The following STK33 variants were observed in gnomAD, a reference collection of about 807,000 sequenced individuals.
The protein encoded by STK33 is serine/threonine kinase 33, also known as serine/threonine-protein kinase 33.
STK33 carries 52 observed loss-of-function variants against 58.0 expected under a neutral mutation model. The ratio of observed to expected loss-of-function variants is 0.90; its 90% CI spans 0.72 to 1.13. The LOEUF is 1.13. Among genes scored for constraint, STK33 ranks in the 50% most tolerant of loss-of-function variants. STK33 has a pLI of 0.00. For synonymous variants in STK33, 215 were observed against 200.1 expected (o/e 1.07, Z -0.63); for missense variants, 630 against 604.2 (o/e 1.04, Z -0.45).
intron 1 of STK33, among the ~76,000 whole-genome samples, chr11:8,578,187 T>G (rs924535260): frequency 6.6e-5 from 10 of 152,102 alleles, no homozygotes; most frequent in African/African-American, 2.4e-4. Flanking sequence ...TATCACACAT[T>G]TGTACTGGGA....
chr11:8,412,466 A>G (rs1183515066), intron 15 of STK33, among the ~76,000 whole-genome samples: 1 of 152,220 alleles, frequency 6.6e-6, no homozygotes, highest in Non-Finnish European at 1.5e-5. Context: ...GTTCTCAACC[A>G]CTAAATCAAA....
intron 15 of STK33, among the ~76,000 whole-genome samples, chr11:8,403,744 G>T (rs1228212584): frequency 1.3e-5 from 2 of 152,144 alleles, no homozygotes; most frequent in Non-Finnish European, 2.9e-5. Context: ...TCTTGAAAAG[G>T]GGGCTCCATG....
intron 12 of STK33, among the ~76,000 whole-genome samples, chr11:8,437,073 G>A (rs1325004550): frequency 1.3e-5 from 2 of 152,144 alleles, no homozygotes; most frequent in Non-Finnish European, 2.9e-5. Context: ...ATCAAAAATT[G>A]TATATGAAAT....
chr11:8,386,396 G>A, the STK33 span, among the ~76,000 whole-genome samples: 1 of 152,184 alleles, frequency 6.6e-6, no homozygotes, highest in Non-Finnish European at 1.5e-5. Flanking sequence ...GCTACAACCA[G>A]GTAATTACTT....
chr11:8,530,305 A>G (rs1954424280), intron 1 of STK33, among the ~76,000 whole-genome samples: 1 of 152,140 alleles, frequency 6.6e-6, no homozygotes, highest in South Asian at 2.1e-4. Flanking sequence ...AAGAGCATTT[A>G]AATGTCTCTG....
chr11:8,371,280 G>A, the STK33 span, among the ~76,000 whole-genome samples: 1 of 152,126 alleles, frequency 6.6e-6, no homozygotes, highest in Admixed American at 6.5e-5. Flanking sequence ...GAAGAGGAGA[G>A]GAGGGACCAC....
At chr11:8,532,453 T>C (rs964106800) in intron 1 of STK33, among the ~76,000 whole-genome samples, 1 of 152,250 alleles carries the variant, frequency 6.6e-6, no homozygotes, top group Non-Finnish European at 1.5e-5. Flanking sequence ...ATCTGGCCCT[T>C]TGCCCAAAAA....
chr11:8,425,624 G>A (rs2136013152), intron 14 of STK33, among the ~76,000 whole-genome samples: 1 of 152,146 alleles, frequency 6.6e-6, no homozygotes, highest in Non-Finnish European at 1.5e-5. Flanking sequence ...CCATTTTTGT[G>A]TTTCAATATT....
At chr11:8,443,534 T>G (rs1945027088) in intron 11 of STK33, among the ~76,000 whole-genome samples, 1 of 151,788 alleles carries the variant, frequency 6.6e-6, no homozygotes, top group Non-Finnish European at 1.5e-5. Flanking sequence ...ATTTTTCTAT[T>G]AAACAAGACT....
rs10712860 is a variant in STK33, at chr11:8,534,275, C to CA, written c.-465-53662dup. On this transcript the variant is annotated intron_variant, in intron 1 of 15. Coordinates refer to ENST00000687296, the MANE Select transcript of STK33 (RefSeq NM_001352389.2). ...GGGCAACAAGAGCAAGACTGCATCTCAAAAAAAAAAAAAATTGTTTATACG... is the reference window on the plus strand; with the variant it reads ...GGGCAACAAGAGCAAGACTGCATCTCAAAAAAAAAAAAAAATTGTTTATACG... 5.9e-3 allele frequency among the ~76,000 whole-genome samples: 779 copies of CA among 131,612 alleles called. 4 individuals carry two copies. The highest frequency in any genetic ancestry group is 0.017 in the African/African-American group (620 of 36,232). The allele number at this position is 131,612 out of a possible 152,430, so 86.3% of individuals were successfully genotyped here.
At chr11:8,498,586 T>A (rs990946786) in intron 1 of STK33, among the ~76,000 whole-genome samples, 1 of 151,608 alleles carries the variant, frequency 6.6e-6, no homozygotes, top group Non-Finnish European at 1.5e-5. Context: ...GGAAAAAAAA[T>A]AAATTTCATA....
the STK33 span, among the ~76,000 whole-genome samples, chr11:8,347,454 G>A: frequency 2.0e-5 from 3 of 152,226 alleles, no homozygotes; most frequent in East Asian, 1.9e-4. Flanking sequence ...TTTATTTCTT[G>A]CTTGTGTTAC....
Position 8,457,443 on chromosome 11 carries a change from C to T in STK33, c.595G>A (p.Glu199Lys). The change falls in exon 9 of 16, where the codon GAA becomes AAA. Residue 199 changes from glutamate (E) to lysine (K), a missense_variant. Physicochemically the swap from Glu to Lys is moderately conservative, Grantham distance 56 (BLOSUM62 1). Transcript: ENST00000687296. ...YLVMELCEDG[E>K]LKEILDRKGH... ...TTCCTATCCAGAATTTCTTTGAGTTCTCCATCCTCACAAAGCTCCATCACA... is the reference window on the plus strand; with the variant it reads ...TTCCTATCCAGAATTTCTTTGAGTTTTCCATCCTCACAAAGCTCCATCACA... The T allele has an allele frequency of 6.2e-7, 1 of 1,603,960 alleles. No homozygotes were observed. The highest frequency in any genetic ancestry group is 8.5e-7 in the Non-Finnish European group (1 of 1,173,202).
chr11:8,344,936 A>G, the STK33 span, among the ~76,000 whole-genome samples: 1 of 152,126 alleles, frequency 6.6e-6, no homozygotes, highest in African/African-American at 2.4e-5. Flanking sequence ...GGCACTTCCC[A>G]TGTGCCTCTA....
chr11:8,572,143 G>C (rs1957872774), intron 1 of STK33, among the ~76,000 whole-genome samples: 1 of 151,900 alleles, frequency 6.6e-6, no homozygotes, highest in Admixed American at 6.6e-5. Flanking sequence ...GCAAGAAAAA[G>C]ACAGAACAAC....
the STK33 span, among the ~76,000 whole-genome samples, chr11:8,351,502 C>T: frequency 2.0e-5 from 3 of 152,316 alleles, no homozygotes; most frequent in Admixed American, 6.5e-5. Context: ...CGTCCCTGCA[C>T]GGGTGATGGA....
chr11:8,558,552 GT>G (rs1335191056), intron 1 of STK33, among the ~76,000 whole-genome samples: 1 of 152,164 alleles, frequency 6.6e-6, no homozygotes, highest in African/African-American at 2.4e-5. Flanking sequence ...AAAGACTGTA[GT>G]TTTTGAATTA....
intron 1 of STK33, among the ~76,000 whole-genome samples, chr11:8,507,108 A>C (rs1319481303): frequency 1.3e-5 from 2 of 152,198 alleles, no homozygotes; most frequent in Non-Finnish European, 2.9e-5. Context: ...TTCCAGATTT[A>C]CCTAATTTCA....
chr11:8,386,532 G>A, the STK33 span, among the ~76,000 whole-genome samples: 2 of 152,174 alleles, frequency 1.3e-5, no homozygotes, highest in Admixed American at 1.3e-4. Context: ...CTCTTCTCCT[G>A]GGACCAAGTG....
Sources: gnomAD v4.1 joint callset for allele counts (sites outside exome capture counted in the v4.1 genomes callset) on GRCh38, gnomAD v4.1.1 for gene constraint, MANE v1.5 for transcripts, NCBI Gene and HGNC (gene_info 2026-07-23, HGNC 2026-07-21) for gene names.